MMD2: variants seen among roughly 807,000 people sequenced by gnomAD.
MMD2 encodes monocyte to macrophage differentiation factor 2.
Under a neutral mutation model 33.5 loss-of-function variants are expected in MMD2, and 30 were observed. The ratio of observed to expected loss-of-function variants is 0.90; its 90% CI spans 0.67 to 1.22. MMD2 has a LOEUF of 1.22. Ranked by LOEUF, MMD2 falls within the 50% of genes most tolerant of loss-of-function variation. The pLI is 0.00. For synonymous variants in MMD2, 129 were observed against 123.0 expected (o/e 1.05, Z -0.32); for missense variants, 364 against 325.4 (o/e 1.12, Z -0.91).
intron 1 of MMD2, among the ~76,000 whole-genome samples, chr7:4,938,792 A>G (rs1785821666): frequency 6.6e-6 from 1 of 152,194 alleles, no homozygotes; most frequent in South Asian, 2.1e-4. Flanking sequence ...GACCAGCTAC[A>G]ATGTTCATGT....
chr7:4,909,042 AAG>A (rs1170582949), intron 6 of MMD2, among the ~76,000 whole-genome samples: 1 of 152,206 alleles, frequency 6.6e-6, no homozygotes, highest in African/African-American at 2.4e-5. Flanking sequence ...CAGTTTTTTA[AAG>A]TAATGGCATG....
At chr7:4,894,494 C>G in the MMD2 span, among the ~76,000 whole-genome samples, 1 of 152,106 alleles carries the variant, frequency 6.6e-6, no homozygotes, top group African/African-American at 2.4e-5. This position sits in a 1 kb window ranked among gnomAD's most constrained non-coding sequence, Gnocchi z 4.3. Flanking sequence ...ACAGCTCACC[C>G]CCTCCACCTC....
chr7:4,920,373 T>C, intron 2 of MMD2, 42 bp from the exon 3 acceptor site: 1 of 1,581,998 alleles, frequency 6.3e-7, no homozygotes. Flanking sequence ...AGCAGCTGGG[T>C]GGCTCAGAGC....
At chr7:4,939,916 A>AT (rs1785857852) in intron 1 of MMD2, among the ~76,000 whole-genome samples, 1 of 151,476 alleles carries the variant, frequency 6.6e-6, no homozygotes, top group Non-Finnish European at 1.5e-5. Context: ...TTTTTTTTGT[A>AT]TTTTTACTAG....
chr7:4,918,840 G>A (rs1785204983), intron 3 of MMD2, among the ~76,000 whole-genome samples: 1 of 151,446 alleles, frequency 6.6e-6, no homozygotes, highest in African/African-American at 2.4e-5. Context: ...GCTCACACTT[G>A]TAATCCCGGC....
intron 2 of MMD2, among the ~76,000 whole-genome samples, chr7:4,921,600 G>C (rs1477604539): frequency 2.1e-5 from 3 of 144,106 alleles, no homozygotes; most frequent in Non-Finnish European, 4.5e-5. Flanking sequence ...CAGCCTGGGC[G>C]ACAGAGCAAG....
chr7:4,958,801 C>A (rs1175421000), intron 1 of MMD2, among the ~76,000 whole-genome samples, 170 bp downstream of exon 1: 1 of 152,138 alleles, frequency 6.6e-6, no homozygotes, highest in African/African-American at 2.4e-5. Context: ...TCCATCCCAG[C>A]GAGAAGACGA....
chr7:4,958,870 C>T, intron 1 of MMD2, 101 bp downstream of exon 1: 2 of 1,060,654 alleles, frequency 1.9e-6, no homozygotes, highest in Admixed American at 8.6e-5. Context: ...TCCCCTCTAG[C>T]GCTCCGGGCG....
chr7:4,952,032 G>A lies in MMD2; in HGVS notation c.47+6939C>T, dbSNP rs1015346760. ...ACTACAGGCTTGAGCCATCATGCTCGGCCTCAACAAGGTTTTTGAGTGCAT... is the reference window on the plus strand; with the variant it reads ...ACTACAGGCTTGAGCCATCATGCTCAGCCTCAACAAGGTTTTTGAGTGCAT... On this transcript the variant is annotated intron_variant, in intron 1 of 6. Coordinates refer to ENST00000401401, the MANE Select transcript of MMD2 (RefSeq NM_198403.4). Among the ~76,000 whole-genome samples, 4 of 152,244 alleles carry A rather than the reference G, an allele frequency of 2.6e-5. No individual in the cohort carries two copies. In the South Asian group the frequency reaches 6.2e-4, roughly 24 times the overall value.
chr7:4,945,185 T>TCCTTCTTCTTCTTCTTCTTC (rs1786024637), intron 1 of MMD2, among the ~76,000 whole-genome samples: 2 of 93,480 alleles, frequency 2.1e-5, no homozygotes, highest in African/African-American at 4.0e-5. Flanking sequence ...CCTCTTCCTC[T>TCCTTCTTCTTCTTCTTCTTC]TTCTTCTTCT....
chr7:4,915,519 C>G (rs1785116967), intron 4 of MMD2, among the ~76,000 whole-genome samples: 1 of 151,906 alleles, frequency 6.6e-6, no homozygotes, highest in Admixed American at 6.6e-5. Context: ...GTGGGCAGAT[C>G]ACTGGAGGTT....
chr7:4,928,080 G>A (rs1049499733), intron 1 of MMD2, among the ~76,000 whole-genome samples: 1 of 152,166 alleles, frequency 6.6e-6, no homozygotes, highest in Non-Finnish European at 1.5e-5. Flanking sequence ...CCACAGCAGC[G>A]TGCATGTCTT....
At position 4,940,005 on chromosome 7, in the gene MMD2, G is replaced by A. The variant is rs375646422; in HGVS notation, c.48-14473C>T. Among the ~76,000 whole-genome samples the A allele has an allele frequency of 1.3e-5, 2 of 152,186 alleles. No individual in the cohort carries two copies. The highest frequency in any genetic ancestry group is 4.8e-5 in the African/African-American group (2 of 41,448). ...AATCCATCTGCCTTGGCCTCCCAAA[G>A]CGCTGGCATTACAGGCGTGAGCCAC... On this transcript the variant is annotated intron_variant, in intron 1 of 6. Transcript: ENST00000401401. The surrounding 1 kb of genome is among the most constrained non-coding windows in gnomAD (Gnocchi z 5.0).
the MMD2 span, among the ~76,000 whole-genome samples, chr7:4,900,284 G>T: frequency 6.6e-6 from 1 of 152,174 alleles, no homozygotes; most frequent in East Asian, 1.9e-4. Context: ...AAAGAAAACA[G>T]TAATTTCATC....
rs1301310017 is a variant in MMD2, at chr7:4,907,245, A to T, written c.*151T>A. The T allele has an allele frequency of 1.0e-5, 7 of 681,718 alleles. No homozygotes were observed. Among genetic ancestry groups the T allele is most frequent in the Non-Finnish European group, 1.8e-5 (7 of 391,556 alleles). The allele number at this position is 681,718 out of a possible 1,614,324, so 42.2% of individuals were successfully genotyped here. The stretch of plus-strand genomic sequence containing the variant: ...TTCTTTCTCGCTGGGGACTCGAGGG[A>T]TGATCTGGCTGTCACCAGAAGTCAC... On this transcript the variant is annotated 3_prime_UTR_variant, in exon 7 of 7. Transcript: ENST00000401401.
At chr7:4,920,150 T>TC (rs1785239715) in intron 3 of MMD2, 21 bp downstream of exon 3, 12 of 1,551,324 alleles carry the variant, frequency 7.7e-6, no homozygotes, top group Non-Finnish European at 1.0e-5. Flanking sequence ...CCGGCATGGG[T>TC]CCCCTCTGGG....
At chr7:4,909,125 A>T (rs1264691295) in intron 6 of MMD2, among the ~76,000 whole-genome samples, 1 of 152,148 alleles carries the variant, frequency 6.6e-6, no homozygotes, top group East Asian at 1.9e-4. Context: ...GAGAAAAAAA[A>T]CATGGTAAGA....
At chr7:4,910,069 C>T (rs780341112) in intron 5 of MMD2, 119 bp from the exon 6 acceptor site, 11 of 1,605,394 alleles carry the variant, frequency 6.9e-6, no homozygotes, top group African/African-American at 2.7e-5. Context: ...GAAGAAAGGA[C>T]GCTTTCTCTG....
chr7:4,909,848 G>A (rs896435739), intron 6 of MMD2, 33 bp downstream of exon 6: 1 of 1,592,258 alleles, frequency 6.3e-7, no homozygotes, highest in Non-Finnish European at 8.5e-7. Context: ...GTCTCTTGCA[G>A]GGACTCATCT....
Sources: gnomAD v4.1 joint callset for allele counts (sites outside exome capture counted in the v4.1 genomes callset) on GRCh38, gnomAD v4.1.1 for gene constraint, Gnocchi (gnomAD v3.1) non-coding constraint, MANE v1.5 for transcripts, NCBI Gene and HGNC (gene_info 2026-07-23, HGNC 2026-07-21) for gene names.